The following SDAD1 variants were observed in gnomAD, a reference collection of about 807,000 sequenced individuals.
SDAD1 encodes the protein protein SDA1 homolog.
In SDAD1, 79 loss-of-function variants were observed where a neutral mutation model predicts 100.3. The ratio of observed to expected loss-of-function variants is 0.79; its 90% confidence interval spans 0.66 to 0.95. The LOEUF (loss-of-function observed/expected upper bound fraction) is 0.95, where lower values mean the gene tolerates loss of function less well. SDAD1 is among the 40% of genes least tolerant of loss of function. The pLI, the probability that SDAD1 is intolerant of heterozygous loss-of-function variation, is 0.00. For synonymous variants in SDAD1, 267 were observed against 271.4 expected (o/e 0.98, Z 0.16); for missense variants, 790 against 810.9 (o/e 0.97, Z 0.31).
At chr4:75,968,268 T>C (rs1029775297) in intron 11 of SDAD1, among the ~76,000 whole-genome samples, 1 of 152,232 alleles carries the variant, frequency 6.6e-6, no homozygotes, top group African/African-American at 2.4e-5. Context: ...AAAAGCAATG[T>C]AGTCAGCAAA....
rs1323757455 is a variant in SDAD1 at position 75,966,461 on chromosome 4, AGG to A, written c.1046-641_1046-640del. Among the ~76,000 whole-genome samples, 6 of 152,080 alleles carry A rather than the reference AGG, an allele frequency of 3.9e-5. No homozygotes were observed. The East Asian group carries it at 1.2e-3, about 29-fold the overall frequency. On this transcript the variant is annotated intron_variant, in intron 12 of 21. Coordinates refer to ENST00000356260, the MANE Select transcript of SDAD1 (RefSeq NM_018115.4). Reference sequence around the variant, plus strand: ...TTGTATACCTCACAAGATTAATGTGAGGATTAGACAAAATGACGTATGTAAGG... The same window carrying A: ...TTGTATACCTCACAAGATTAATGTGAATTAGACAAAATGACGTATGTAAGG...
intron 4 of SDAD1, among the ~76,000 whole-genome samples, chr4:75,976,616 G>A (rs1730172596): frequency 6.6e-6 from 1 of 152,168 alleles, no homozygotes; most frequent in South Asian, 2.1e-4. Context: ...TCTTTTGGGG[G>A]TGACAAAATG....
chr4:75,959,526 C>T (rs1319475175), intron 17 of SDAD1, among the ~76,000 whole-genome samples: 1 of 152,006 alleles, frequency 6.6e-6, no homozygotes, highest in African/African-American at 2.4e-5. Flanking sequence ...ATCGCTTGAA[C>T]CTGGGAGATG....
chr4:75,960,942 A>T, intron 16 of SDAD1, 86 bp downstream of exon 16: 1 of 1,056,758 alleles, frequency 9.5e-7, no homozygotes, highest in Admixed American at 1.7e-5. Context: ...CAGAAGCATC[A>T]TAAGTACTAA....
At chr4:75,969,439 T>A (rs374409709) in intron 10 of SDAD1, 40 bp from the exon 11 acceptor site, 7 of 1,346,930 alleles carry the variant, frequency 5.2e-6, no homozygotes, top group Non-Finnish European at 7.4e-6. Context: ...TGTGAGTCTA[T>A]GGTCTATGTG....
chr4:75,976,108 T>C (rs1259340268), intron 4 of SDAD1, 113 bp from the exon 5 acceptor site: 3 of 663,284 alleles, frequency 4.5e-6, no homozygotes, highest in Non-Finnish European at 7.4e-6. Flanking sequence ...CTATTTTTCA[T>C]TCTATCCCAA....
At chr4:75,986,608 C>A (rs1029876535) in intron 1 of SDAD1, among the ~76,000 whole-genome samples, 1 of 152,164 alleles carries the variant, frequency 6.6e-6, no homozygotes, top group Admixed American at 6.5e-5. Flanking sequence ...GTCACTCAAT[C>A]AAGGTCTTTG....
At chr4:75,954,639 C>T (rs901557398) in intron 21 of SDAD1, among the ~76,000 whole-genome samples, 1 of 152,172 alleles carries the variant, frequency 6.6e-6, no homozygotes, top group Non-Finnish European at 1.5e-5. Context: ...AGATGAAATG[C>T]TCCTCATTAT....
At chr4:75,980,444 A>G (rs1046920247) in intron 3 of SDAD1, among the ~76,000 whole-genome samples, 1 of 152,220 alleles carries the variant, frequency 6.6e-6, no homozygotes, top group African/African-American at 2.4e-5. Flanking sequence ...ACGTTTTGTG[A>G]TCATATTTGC....
At chr4:75,987,030 C>T (rs941928776) in intron 1 of SDAD1, among the ~76,000 whole-genome samples, 1 of 151,972 alleles carries the variant, frequency 6.6e-6, no homozygotes, top group Non-Finnish European at 1.5e-5. Context: ...AAAAAAAAAT[C>T]CTTTCTTGAT....
At chr4:75,967,798 C>T (rs1298940231) in intron 11 of SDAD1, among the ~76,000 whole-genome samples, 1 of 104,610 alleles carries the variant, frequency 9.6e-6, no homozygotes, top group African/African-American at 2.9e-5. Context: ...TCTTGTATAC[C>T]AGTCCAACCA....
intron 9 of SDAD1, 100 bp from the exon 10 acceptor site, chr4:75,970,478 T>A: frequency 1.3e-6 from 1 of 798,392 alleles, no homozygotes; most frequent in Non-Finnish European, 1.9e-6. Context: ...TTAGACTCTT[T>A]AAAAAGAAAA....
intron 10 of SDAD1, 24 bp downstream of exon 10, chr4:75,970,285 A>G (rs1327464256): frequency 1.3e-6 from 2 of 1,596,584 alleles, no homozygotes; most frequent in Non-Finnish European, 1.7e-6. Context: ...GCCAACAAGG[A>G]ACTCGGACGT....
chr4:75,976,872 A>C (rs1481390063), intron 4 of SDAD1, among the ~76,000 whole-genome samples: 1 of 152,254 alleles, frequency 6.6e-6, no homozygotes, highest in Non-Finnish European at 1.5e-5. Context: ...ACCAAGAAGT[A>C]CAATTGCTAA....
At chr4:75,971,643 G>A (rs1729873537) in intron 8 of SDAD1, among the ~76,000 whole-genome samples, 185 bp from the exon 9 acceptor site, 1 of 152,140 alleles carries the variant, frequency 6.6e-6, no homozygotes, top group Non-Finnish European at 1.5e-5. Context: ...GGCCAAGGTG[G>A]GTAGATCACT....
intron 13 of SDAD1, among the ~76,000 whole-genome samples, chr4:75,965,522 C>T (rs563745214): frequency 6.6e-6 from 1 of 152,244 alleles, no homozygotes; most frequent in East Asian, 1.9e-4. Context: ...TAAAACCTTG[C>T]TGGTTTGGAG....
In SDAD1 at chr4:75,957,341, C is replaced by T; in HGVS notation, c.1838G>A (p.Arg613Lys). ...CTCACTCACCATTGCAGTTGCTAGT[C>T]TTGTCTCTTTGTCAGACTTTGGCTT... The part of the protein sequence containing the change: ...HKKPKSDKET[R>K]LATAMAGKTD... Residue 613 changes from arginine (R) to lysine (K), a missense_variant, in exon 20 of 22, where the codon AGA becomes AAA. By Grantham distance (26) the Arg-to-Lys change is conservative. Transcript: ENST00000356260. The T allele has an allele frequency of 1.9e-6, 3 of 1,614,074 alleles. No individual in the cohort carries two copies. Among genetic ancestry groups the T allele is most frequent in the East Asian group, 2.2e-5 (1 of 44,884 alleles).
Position 75,957,585 on chromosome 4 carries a change from G to C in SDAD1, c.1702C>G (p.Leu568Val), listed in dbSNP as rs1728973497. ...KIRMAQMRKE[L>V]DAAPGKSQKR... ...TGGGATTTCCCGGGGGCAGCATCAA[G>C]TTCTTTTCTCATTTGGGCCATGCGG... Residue 568 changes from leucine to valine, a missense_variant, in exon 19 of 22, where the codon CTT (leucine) becomes GTT (valine). Coordinates refer to ENST00000356260, the MANE Select transcript of SDAD1 (RefSeq NM_018115.4). 1 of 1,614,174 alleles carries C rather than the reference G, an allele frequency of 6.2e-7. No homozygotes were observed. Among genetic ancestry groups the C allele is most frequent in the Non-Finnish European group, 8.5e-7 (1 of 1,180,030 alleles).
At chr4:75,971,504 C>T (rs1351666421) in intron 8 of SDAD1, 46 bp from the exon 9 acceptor site, 3 of 1,385,006 alleles carry the variant, frequency 2.2e-6, no homozygotes. Flanking sequence ...GGAAAATCTG[C>T]ATAGAATGAA....
Sources: allele counts gnomAD v4.1 joint callset (sites outside exome capture counted in the v4.1 genomes callset), GRCh38; gene constraint gnomAD v4.1.1; transcripts MANE v1.5; gene names NCBI Gene and HGNC (gene_info 2026-07-23, HGNC 2026-07-21).